Variants in PPEF1 observed in about 807,000 individuals in gnomAD.
The protein encoded by PPEF1 is serine/threonine-protein phosphatase with EF-hands 1.
PPEF1 carries 12 observed loss-of-function variants against 53.3 expected under a neutral mutation model. The ratio of observed to expected loss-of-function variants is 0.23; its 90% CI spans 0.14 to 0.36. The LOEUF (loss-of-function observed/expected upper bound fraction) is 0.36. Among genes scored for constraint, PPEF1 ranks in the 10% least tolerant of loss-of-function variants. PPEF1 has a pLI of 1.00. For synonymous variants in PPEF1, 165 were observed against 176.7 expected, an observed-to-expected ratio of 0.93 and a Z score of 0.52; for missense variants, 334 against 490.4, an observed-to-expected ratio of 0.68 and a Z score of 3.01.
intron 11 of PPEF1, among the ~76,000 whole-genome samples, chrX:18,805,627 G>A (rs1324300757): frequency 1.8e-5 from 2 of 109,563 alleles, no homozygotes; most frequent in Admixed American, 9.8e-5. Context: ...GGTGGATCAC[G>A]AGGTCAAGAG....
chrX:18,692,539 T>G (rs1345196458), intron 4 of PPEF1, among the ~76,000 whole-genome samples: 3 of 112,035 alleles, frequency 2.7e-5, no homozygotes, highest in Non-Finnish European at 5.6e-5. Context: ...GTCTGAGACC[T>G]GTGGGGTTTG....
chrX:18,701,608 A>T (rs749504263), intron 6 of PPEF1, among the ~76,000 whole-genome samples: 1 of 112,537 alleles, frequency 8.9e-6, no homozygotes, highest in South Asian at 3.7e-4. Context: ...GCAGTTAGGA[A>T]CAATAGTTCT....
chrX:18,770,202 C>T (rs1025665903), intron 6 of PPEF1, among the ~76,000 whole-genome samples: 4 of 111,419 alleles, frequency 3.6e-5, no homozygotes, highest in Middle Eastern at 4.2e-3. Context: ...TGTCAGTAGC[C>T]GGAATCCTAA....
intron 10 of PPEF1, among the ~76,000 whole-genome samples, chrX:18,791,405 G>A (rs2046322312): frequency 8.9e-6 from 1 of 111,807 alleles, no homozygotes; most frequent in South Asian, 3.7e-4. Context: ...CAGTATACAC[G>A]TCTTGCTCTT....
chrX:18,681,542 C>T (rs1410048782), upstream of PPEF1, among the ~76,000 whole-genome samples: 2 of 111,791 alleles, frequency 1.8e-5, no homozygotes, highest in Non-Finnish European at 3.8e-5. Context: ...TGAGCAGAGA[C>T]GTTTCCTAAT....
intron 1 of PPEF1, among the ~76,000 whole-genome samples, chrX:18,718,218 A>G (rs1013990504): frequency 8.0e-5 from 9 of 111,846 alleles, no homozygotes; most frequent in African/African-American, 2.9e-4. Context: ...TAAAAATTTC[A>G]AGTATTTTGA....
At position 18,762,282 on chromosome X, in the gene PPEF1, CA is replaced by C. The variant is rs370790469; in HGVS notation, c.558+707del. On this transcript the variant is annotated intron_variant, in intron 6 of 15. Transcript: ENST00000470157. ...TGCCTTCACAGCGGTTACCCCTTTA[CA>C]CTGGTCTTCTGAATGTCTCTTTTTG... is the stretch of plus-strand genomic sequence containing the variant. Among the ~76,000 whole-genome samples, 485 of 112,058 alleles carry C rather than the reference CA, an allele frequency of 4.3e-3. 2 individuals carry two copies. The highest frequency in any genetic ancestry group is 0.015 in the African/African-American group (461 of 30,856).
At chrX:18,760,340 A>T (rs373764494) in intron 5 of PPEF1, among the ~76,000 whole-genome samples, 2 of 110,123 alleles carry the variant, frequency 1.8e-5, no homozygotes, top group East Asian at 2.8e-4. Context: ...GTTGGCTTTC[A>T]TTTTTTTTCT....
chrX:18,725,455 A>T (rs1602384240), intron 1 of PPEF1, among the ~76,000 whole-genome samples: 1 of 111,535 alleles, frequency 9.0e-6, no homozygotes, highest in East Asian at 2.8e-4. Flanking sequence ...ACTGGATCCG[A>T]CGACTGTTAC....
chrX:18,813,284 C>G (rs2046843388), intron 12 of PPEF1, among the ~76,000 whole-genome samples: 1 of 103,560 alleles, frequency 9.7e-6, no homozygotes, highest in Non-Finnish European at 1.9e-5. Context: ...GAGGCTGAGG[C>G]AGAAGAATGG....
intron 2 of PPEF1, among the ~76,000 whole-genome samples, chrX:18,685,910 G>A (rs1380851697): frequency 2.7e-5 from 3 of 111,121 alleles, no homozygotes; most frequent in Non-Finnish European, 5.7e-5. Flanking sequence ...CTTTCAACTG[G>A]CTGACTTTTT....
chrX:18,718,235 G>A (rs2044503339), intron 1 of PPEF1, among the ~76,000 whole-genome samples: 1 of 111,865 alleles, frequency 8.9e-6, no homozygotes, highest in African/African-American at 3.2e-5. Flanking sequence ...TTGAGACTCT[G>A]ATAGGGGCTA....
intron 1 of PPEF1, among the ~76,000 whole-genome samples, chrX:18,722,891 C>T (rs1427750418): frequency 3.6e-5 from 4 of 111,975 alleles, no homozygotes; most frequent in Non-Finnish European, 7.5e-5. Flanking sequence ...GCAAAAGCTG[C>T]AGGCTCTAAC....
chrX:18,782,405 A>C lies in PPEF1; in HGVS notation c.762+3A>C. The C allele has an allele frequency of 1.8e-6, 2 of 1,101,652 alleles. No individual in the cohort carries two copies. Among genetic ancestry groups the C allele is most frequent in the Non-Finnish European group, 2.4e-6 (2 of 822,136 alleles). 90.8% of individuals were successfully genotyped at this position (1,101,652 alleles called of 1,213,427 possible). A position where few individuals can be genotyped will look rare whatever the true frequency, so the allele number is the denominator to read the frequency against. ...AAGAAATTTTGCATAAATATAAGGTAAGACATGCTTTTTTTTTTTTTTTTA... is the reference window on the plus strand; with the variant it reads ...AAGAAATTTTGCATAAATATAAGGTCAGACATGCTTTTTTTTTTTTTTTTA... On this transcript the variant is annotated splice_donor_region_variant and intron_variant, in intron 8 of 15. Coordinates refer to ENST00000470157, the MANE Select transcript of PPEF1 (RefSeq NM_001377996.1).
At chrX:18,757,889 T>C (rs192003911) in intron 5 of PPEF1, 148 bp downstream of exon 5, 56 of 382,342 alleles carry the variant, frequency 1.5e-4, no homozygotes, top group Non-Finnish European at 2.2e-4. Context: ...CTGTTCCCCA[T>C]CTTGTCTTTG....
At chrX:18,722,455 CT>C (rs2044609416) in intron 1 of PPEF1, among the ~76,000 whole-genome samples, 1 of 111,835 alleles carries the variant, frequency 8.9e-6, no homozygotes, top group African/African-American at 3.3e-5. Context: ...AGCAGAGAGC[CT>C]TTAAATACCT....
chrX:18,818,370 CTTTT>C (rs11297772), intron 13 of PPEF1, among the ~76,000 whole-genome samples: 2 of 81,703 alleles, frequency 2.4e-5, no homozygotes, highest in Non-Finnish European at 2.4e-5. Flanking sequence ...CTGAATTAAA[CTTTT>C]TTTTTTTTTT....
At chrX:18,724,789 G>A (rs1321938172) in intron 1 of PPEF1, among the ~76,000 whole-genome samples, 1 of 110,729 alleles carries the variant, frequency 9.0e-6, no homozygotes, top group Non-Finnish European at 1.9e-5. Flanking sequence ...GGGGTTATGG[G>A]GGCCAGCAAC....
intron 1 of PPEF1, among the ~76,000 whole-genome samples, chrX:18,714,800 C>G (rs781760724): frequency 8.9e-6 from 1 of 111,961 alleles, no homozygotes; most frequent in Non-Finnish European, 1.9e-5. Context: ...ATCCTCACAG[C>G]CTTTTGAAGG....
Sources: gnomAD v4.1 joint callset for allele counts (sites outside exome capture counted in the v4.1 genomes callset) on GRCh38, gnomAD v4.1.1 for gene constraint, MANE v1.5 for transcripts, NCBI Gene and HGNC (gene_info 2026-07-23, HGNC 2026-07-21) for gene names.